B3GNT3: variants seen among roughly 807,000 people sequenced by gnomAD.
B3GNT3 encodes the protein UDP-GlcNAc:betaGal beta-1,3-N-acetylglucosaminyltransferase 3, also known as N-acetyllactosaminide beta-1,3-N-acetylglucosaminyltransferase 3.
A neutral mutation model predicts 11.6 loss-of-function variants in B3GNT3; 7 were observed. The ratio of observed to expected loss-of-function variants is 0.60; its 90% CI spans 0.34 to 1.13. The LOEUF (loss-of-function observed/expected upper bound fraction) is 1.13, where lower values mean the gene tolerates loss of function less well. Ranked by LOEUF, B3GNT3 falls within the 50% of genes most tolerant of loss-of-function variation. The probability of loss-of-function intolerance (pLI) is 0.03; values close to 1 mark genes in which losing one functional copy is unlikely to be tolerated. For missense variants in B3GNT3, 400 were observed against 507.4 expected (o/e 0.79, Z 2.03); for synonymous variants, 201 against 222.1 (o/e 0.90, Z 0.85).
intron 1 of B3GNT3, among the ~76,000 whole-genome samples, chr19:17,795,840 G>A (rs2094158892): frequency 6.6e-6 from 1 of 152,168 alleles, no homozygotes; most frequent in Non-Finnish European, 1.5e-5. Context: ...GCCACTGGGG[G>A]CCCTTGCGTG....
intron 2 of B3GNT3, among the ~76,000 whole-genome samples, chr19:17,808,839 T>C (rs1246386571): frequency 6.6e-6 from 1 of 152,056 alleles, no homozygotes; most frequent in African/African-American, 2.4e-5. Context: ...TGTTTATTTT[T>C]ATGTTTATTT....
At chr19:17,809,739 A>G (rs2094178182) in intron 2 of B3GNT3, among the ~76,000 whole-genome samples, 1 of 151,928 alleles carries the variant, frequency 6.6e-6, no homozygotes, top group Admixed American at 6.6e-5. Flanking sequence ...ATGAGCCACC[A>G]CGCACAGCCT....
At chr19:17,806,469 G>A (rs916909849) in intron 1 of B3GNT3, among the ~76,000 whole-genome samples, 1 of 152,064 alleles carries the variant, frequency 6.6e-6, no homozygotes, top group African/African-American at 2.4e-5. Context: ...ACTCATGCAC[G>A]TTCACGGATA....
intron 1 of B3GNT3, among the ~76,000 whole-genome samples, chr19:17,802,737 G>A (rs1051609404): frequency 1.3e-5 from 2 of 152,022 alleles, no homozygotes; most frequent in Admixed American, 1.3e-4. Context: ...CAGGCTGGAA[G>A]TGTGATCACA....
intron 1 of B3GNT3, among the ~76,000 whole-genome samples, chr19:17,797,853 C>T (rs2094161246): frequency 6.6e-6 from 1 of 152,202 alleles, no homozygotes; most frequent in African/African-American, 2.4e-5. Flanking sequence ...CTTCTGTTTG[C>T]AAAAGCAACT....
intron 1 of B3GNT3, among the ~76,000 whole-genome samples, chr19:17,796,672 A>C (rs2094159860): frequency 6.6e-6 from 1 of 152,168 alleles, no homozygotes; most frequent in African/African-American, 2.4e-5. Context: ...TGCTCAGTCC[A>C]GCCTGGACAC....
intron 1 of B3GNT3, among the ~76,000 whole-genome samples, chr19:17,798,996 T>C (rs1168782699): frequency 2.0e-5 from 3 of 152,052 alleles, no homozygotes; most frequent in Non-Finnish European, 4.4e-5. Context: ...AAAAATCTCA[T>C]TGTTGGCGCT....
In B3GNT3 at chr19:17,812,092, C is replaced by A. The variant is rs773610596; in HGVS notation, c.1089C>A (p.Leu363=). ...LMWDALNQPN[L]TCGNQTQIY is the part of the protein sequence containing the mutation. Reference sequence around the variant, plus strand: ...GGGATGCGCTGAACCAGCCCAACCTCACCTGCGGCAATCAGACACAGATCT... The same window carrying A: ...GGGATGCGCTGAACCAGCCCAACCTAACCTGCGGCAATCAGACACAGATCT... The change falls in exon 3 of 3, where the codon CTC becomes CTA. Residue 363 remains leucine (L), a synonymous_variant. Coordinates refer to ENST00000318683, the MANE Select transcript of B3GNT3 (RefSeq NM_014256.4). 6.9e-6 allele frequency: 11 copies of A among 1,597,658 alleles called. No individual in the cohort carries two copies. Among genetic ancestry groups the A allele is most frequent in the Non-Finnish European group, 9.3e-6 (11 of 1,179,266 alleles).
At chr19:17,810,086 C>T (rs1182653078) in intron 2 of B3GNT3, among the ~76,000 whole-genome samples, 1 of 152,150 alleles carries the variant, frequency 6.6e-6, no homozygotes, top group African/African-American at 2.4e-5. Flanking sequence ...AGGGTAAGCA[C>T]CAAGCACAGC....
intron 1 of B3GNT3, among the ~76,000 whole-genome samples, chr19:17,801,692 C>G (rs957721511): frequency 2.6e-5 from 4 of 151,548 alleles, no homozygotes; most frequent in Admixed American, 6.6e-5. Flanking sequence ...CCATGTTGCC[C>G]AGGCTGGTCT....
chr19:17,798,629 C>T (rs2094162201), intron 1 of B3GNT3, among the ~76,000 whole-genome samples: 1 of 151,858 alleles, frequency 6.6e-6, no homozygotes, highest in Non-Finnish European at 1.5e-5. Context: ...CAAGATAGCA[C>T]CACTGCACTC....
chr19:17,812,185 C>T lies in B3GNT3; in HGVS notation c.*63C>T. 1 of 1,473,242 alleles carries T rather than the reference C, an allele frequency of 6.8e-7. No individual in the cohort carries two copies. The highest frequency in any genetic ancestry group is 9.0e-7 in the Non-Finnish European group (1 of 1,110,068). 91.3% of individuals were successfully genotyped at this position (1,473,242 alleles called of 1,614,324 possible). ...CCATAGGAAGGGGCGACACCTTCCTCCCAGGAAGCTGAGACCTTTGTGGTC... is the reference window on the plus strand; with the variant it reads ...CCATAGGAAGGGGCGACACCTTCCTTCCAGGAAGCTGAGACCTTTGTGGTC... On this transcript the variant is annotated 3_prime_UTR_variant, in exon 3 of 3. Transcript: ENST00000318683.
chr19:17,807,011 G>A (rs77841433), intron 1 of B3GNT3, among the ~76,000 whole-genome samples: 152 of 151,780 alleles, frequency 1.0e-3, no homozygotes, highest in African/African-American at 3.3e-3. Flanking sequence ...GAATAGCTGG[G>A]GAATCAAGGT....
chr19:17,798,086 CG>C (rs2094161558), intron 1 of B3GNT3, among the ~76,000 whole-genome samples: 1 of 152,144 alleles, frequency 6.6e-6, no homozygotes, highest in African/African-American at 2.4e-5. Context: ...TGAGACTCCT[CG>C]GGTTCCTCCA....
intron 1 of B3GNT3, among the ~76,000 whole-genome samples, chr19:17,805,313 G>A (rs1218828146): frequency 6.6e-6 from 1 of 151,856 alleles, no homozygotes; most frequent in Non-Finnish European, 1.5e-5. Context: ...TGCCCAGGCT[G>A]GTCTCAAACT....
chr19:17,800,289 CG>C (rs1206615323), intron 1 of B3GNT3, among the ~76,000 whole-genome samples: 2 of 152,078 alleles, frequency 1.3e-5, no homozygotes, highest in African/African-American at 2.4e-5. Flanking sequence ...GCAGGAGGAT[CG>C]CTTGAAACCA....
Position 17,807,956 on chromosome 19 carries a change from C to G in B3GNT3, c.149C>G (p.Pro50Arg), listed in dbSNP as rs2094175388. ...PPAIPEALAW[P>R]TPPTRPAPAP... ...GCGATCCCCGAGGCCCTGGCCTGGCCCACTCCACCCACCCGCCCAGCCCCG... is the reference window on the plus strand; with the variant it reads ...GCGATCCCCGAGGCCCTGGCCTGGCGCACTCCACCCACCCGCCCAGCCCCG... The change falls in exon 2 of 3, where the codon CCC (proline) becomes CGC (arginine). Residue 50 changes from proline to arginine, a missense_variant. Coordinates refer to ENST00000318683, the MANE Select transcript of B3GNT3 (RefSeq NM_014256.4). 1 of 1,612,774 alleles carries G rather than the reference C, an allele frequency of 6.2e-7. No homozygotes were observed. The highest frequency in any genetic ancestry group is 8.5e-7 in the Non-Finnish European group (1 of 1,179,662).
chr19:17,810,114 TAC>T (rs1380848994), intron 2 of B3GNT3, among the ~76,000 whole-genome samples: 5 of 152,126 alleles, frequency 3.3e-5, no homozygotes, highest in Non-Finnish European at 7.4e-5. Context: ...AACAAACAGA[TAC>T]CCAGCCTGTG....
Position 17,807,999 on chromosome 19 carries a change from C to G in B3GNT3, c.192C>G (p.Asn64Lys). 6.8e-7 allele frequency: 1 copy of G among 1,470,650 alleles called. No individual in the cohort carries two copies. The highest frequency in any genetic ancestry group is 1.1e-5 in the South Asian group (1 of 88,802). 91.1% of individuals were successfully genotyped at this position (1,470,650 alleles called of 1,614,324 possible). A position where few individuals can be genotyped will look rare whatever the true frequency, so the allele number is the denominator to read the frequency against. ...TRPAPAPCHA[N>K]TSMVTHPDFA... ...CAGCCCCGGCCCCGTGCCATGCCAA[C>G]ACCTCTATGGTCACCCACCCGGACT... The change falls in exon 2 of 3, where the codon AAC becomes AAG. Residue 64 changes from asparagine to lysine, a missense_variant. Physicochemically the swap from Asn to Lys is moderately conservative, Grantham distance 94. Coordinates refer to ENST00000318683, the MANE Select transcript of B3GNT3 (RefSeq NM_014256.4).
Sources: gnomAD v4.1 joint callset for allele counts (sites outside exome capture counted in the v4.1 genomes callset) on GRCh38, gnomAD v4.1.1 for gene constraint, MANE v1.5 for transcripts, NCBI Gene and HGNC (gene_info 2026-07-23, HGNC 2026-07-21) for gene names.